NRXN3: variants seen among roughly 807,000 people sequenced by gnomAD.
NRXN3 encodes the protein neurexin III.
In NRXN3, 32 loss-of-function variants were observed where a neutral mutation model predicts 137.6. The ratio of observed to expected loss-of-function variants is 0.23; its 90% confidence interval spans 0.18 to 0.31. The LOEUF (loss-of-function observed/expected upper bound fraction) is 0.31, where lower values mean the gene tolerates loss of function less well. Among genes scored for constraint, NRXN3 ranks in the 10% least tolerant of loss-of-function variants. NRXN3 has a pLI of 1.00. For synonymous variants in NRXN3, 798 were observed against 784.5 expected (o/e 1.02, Z -0.29); for missense variants, 1,574 against 2,062.5 (o/e 0.76, Z 4.59).
intron 20 of NRXN3, among the ~76,000 whole-genome samples, chr14:79,834,828 A>G (rs2099333268): frequency 6.6e-6 from 1 of 152,136 alleles, no homozygotes; most frequent in South Asian, 2.1e-4. Flanking sequence ...ACTTTCTTAT[A>G]TCACTGAGAC....
At chr14:78,194,753 A>G (rs1044197491) in intron 1 of NRXN3, among the ~76,000 whole-genome samples, 1 of 152,166 alleles carries the variant, frequency 6.6e-6, no homozygotes, top group Non-Finnish European at 1.5e-5. Context: ...GAGAAGGATG[A>G]TCCAGCATGC....
At chr14:79,766,104 C>T (rs1046150675) in intron 19 of NRXN3, among the ~76,000 whole-genome samples, 1 of 152,134 alleles carries the variant, frequency 6.6e-6, no homozygotes, top group East Asian at 1.9e-4. Flanking sequence ...TTGTTGAATA[C>T]TTGATCTGTT....
At chr14:78,644,739 T>C (rs927008805) in intron 4 of NRXN3, among the ~76,000 whole-genome samples, 2 of 152,208 alleles carry the variant, frequency 1.3e-5, no homozygotes, top group African/African-American at 2.4e-5. Flanking sequence ...CAGTTAATTA[T>C]CCATTCTAAA....
chr14:79,487,722 G>T (rs113518705), intron 16 of NRXN3, among the ~76,000 whole-genome samples: 12 of 152,102 alleles, frequency 7.9e-5, no homozygotes, highest in African/African-American at 2.7e-4. Flanking sequence ...TACAACCTTA[G>T]TAGCTTCTGC....
intron 8 of NRXN3, among the ~76,000 whole-genome samples, chr14:78,745,545 GCTATTTT>G (rs1246319201): frequency 6.6e-6 from 1 of 151,992 alleles, no homozygotes; most frequent in Non-Finnish European, 1.5e-5. Flanking sequence ...CTAATTTATA[GCTATTTT>G]CTCACAGGAT....
intron 19 of NRXN3, among the ~76,000 whole-genome samples, chr14:79,781,576 C>T (rs2099114002): frequency 1.3e-5 from 2 of 152,174 alleles, no homozygotes; most frequent in Non-Finnish European, 2.9e-5. Context: ...TGTCTTATAA[C>T]ATTCTGAGGA....
intron 15 of NRXN3, among the ~76,000 whole-genome samples, chr14:79,190,708 C>G (rs2064177043): frequency 6.6e-6 from 1 of 151,906 alleles, no homozygotes; most frequent in African/African-American, 2.4e-5. Flanking sequence ...CTTAAGATCC[C>G]CTGGAATTAT....
chr14:78,308,093 G>GT (rs397735239), intron 4 of NRXN3, among the ~76,000 whole-genome samples: 47,775 of 149,170 alleles, frequency 0.32, 7,709 homozygotes, highest in Middle Eastern at 0.36. Context: ...ACATTTTCTT[G>GT]TTTTTTTTTT....
intron 4 of NRXN3, among the ~76,000 whole-genome samples, chr14:78,559,105 C>T (rs1202504399): frequency 6.6e-6 from 1 of 151,586 alleles, no homozygotes; most frequent in Admixed American, 6.5e-5. Flanking sequence ...ACAAGGCCTC[C>T]CTGGTTTTAT....
chr14:79,376,863 A>C (rs1003202958), intron 15 of NRXN3, among the ~76,000 whole-genome samples: 1 of 152,212 alleles, frequency 6.6e-6, no homozygotes, highest in African/African-American at 2.4e-5. Flanking sequence ...AGTAGCAAAG[A>C]TGTTAATGCC....
intron 19 of NRXN3, among the ~76,000 whole-genome samples, chr14:79,748,851 T>C (rs1231726620): frequency 6.6e-6 from 1 of 151,964 alleles, no homozygotes; most frequent in East Asian, 1.9e-4. Flanking sequence ...AGGAACCTGT[T>C]TTCCCCATAA....
intron 10 of NRXN3, among the ~76,000 whole-genome samples, chr14:78,839,295 A>G (rs2099005602): frequency 6.6e-6 from 1 of 152,216 alleles, no homozygotes; most frequent in Admixed American, 6.5e-5. Context: ...AAGATCTTTA[A>G]GGAACTTAAC....
intron 17 of NRXN3, among the ~76,000 whole-genome samples, chr14:79,687,428 A>G (rs1216302575): frequency 2.0e-5 from 3 of 152,174 alleles, no homozygotes; most frequent in African/African-American, 7.2e-5. Context: ...AGACATGGCA[A>G]TAACCTCTAA....
chr14:79,829,911 G>A (rs1488757764), intron 20 of NRXN3, among the ~76,000 whole-genome samples: 1 of 152,172 alleles, frequency 6.6e-6, no homozygotes, highest in Non-Finnish European at 1.5e-5. Context: ...TCTGAATAGA[G>A]AAGATATGCT....
At chr14:79,034,777 G>A (rs988451321) in intron 15 of NRXN3, among the ~76,000 whole-genome samples, 11 of 152,060 alleles carry the variant, frequency 7.2e-5, no homozygotes, top group Middle Eastern at 3.2e-3. Flanking sequence ...AAAATTGTAC[G>A]TGATTATTAG....
At chr14:79,146,399 T>C (rs1031553568) in intron 15 of NRXN3, among the ~76,000 whole-genome samples, 3 of 152,110 alleles carry the variant, frequency 2.0e-5, no homozygotes, top group African/African-American at 7.2e-5. Flanking sequence ...GAAGAGGGTG[T>C]TCTAGGTAGG....
At chr14:78,201,992 T>A (rs2061727003) in intron 1 of NRXN3, among the ~76,000 whole-genome samples, 1 of 152,214 alleles carries the variant, frequency 6.6e-6, no homozygotes, top group African/African-American at 2.4e-5. Context: ...CTAAGGTCCA[T>A]TTCTGGCTAG....
rs757250476 is a variant in NRXN3 at position 79,624,807 on chromosome 14, G to GT, written c.3445-38966dup. Among the ~76,000 whole-genome samples the GT allele has an allele frequency of 2.7e-3, 335 of 122,758 alleles. 6 individuals carry two copies. The highest frequency in any genetic ancestry group is 8.0e-3 in the African/African-American group (230 of 28,730). The allele number at this position is 122,758 out of a possible 152,430, so 80.5% of individuals were successfully genotyped here. A position where few individuals can be genotyped will look rare whatever the true frequency, so the allele number is the denominator to read the frequency against. On this transcript the variant is annotated intron_variant, in intron 16 of 20. Transcript: ENST00000335750. ...TTCTTTCCCGTTTTTTTTTTTGTTT[G>GT]TTTTTGTTTTTTTTTAAACAAGATC... is the stretch of plus-strand genomic sequence containing the variant.
chr14:78,384,385 A>G (rs553855281), intron 4 of NRXN3, among the ~76,000 whole-genome samples: 2 of 152,086 alleles, frequency 1.3e-5, no homozygotes, highest in African/African-American at 4.8e-5. Flanking sequence ...ACCATCCCCA[A>G]CCCCCAATGA....
Sources: allele counts gnomAD v4.1 joint callset (sites outside exome capture counted in the v4.1 genomes callset), GRCh38; gene constraint gnomAD v4.1.1; transcripts MANE v1.5; gene names NCBI Gene and HGNC (gene_info 2026-07-23, HGNC 2026-07-21).